ATG4B: variants seen among roughly 807,000 people sequenced by gnomAD.
ATG4B encodes autophagy related 4B cysteine peptidase, also known as cysteine protease ATG4B.
Under a neutral mutation model 56.6 loss-of-function variants are expected in ATG4B, and 29 were observed. That is an observed-to-expected ratio of 0.51 (90% CI 0.38 to 0.70). The LOEUF is 0.70. ATG4B is among the 30% of genes least tolerant of loss of function. The pLI is 0.00. For synonymous variants in ATG4B, 224 were observed against 206.1 expected (o/e 1.09, Z -0.74); for missense variants, 461 against 515.5 (o/e 0.89, Z 1.02).
chr2:241,655,326 T>A lies in ATG4B; in HGVS notation c.441T>A (p.Thr147=). ...KSIGQWYGPN[T]VAQVLKKLAV... is the part of the protein sequence containing the mutation. ...TAGGCCAGTGGTACGGGCCCAACAC[T>A]GTCGCCCAGGTCCTGAAGTATGTAC... Residue 147 remains threonine (T), a synonymous_variant, in exon 6 of 13, where the codon ACT becomes ACA. Coordinates refer to ENST00000404914, the MANE Select transcript of ATG4B (RefSeq NM_013325.5). 6.2e-7 allele frequency: 1 copy of A among 1,610,776 alleles called. No homozygotes were observed. Among genetic ancestry groups the A allele is most frequent in the Non-Finnish European group, 8.5e-7 (1 of 1,178,480 alleles).
At chr2:241,665,623 T>C (rs1161068891) in intron 7 of ATG4B, among the ~76,000 whole-genome samples, 1 of 152,228 alleles carries the variant, frequency 6.6e-6, no homozygotes, top group Non-Finnish European at 1.5e-5. Flanking sequence ...GGTGGCAGTG[T>C]CCTCTGCTCT....
chr2:241,657,010 C>G (rs1575074293), intron 6 of ATG4B, among the ~76,000 whole-genome samples: 1 of 140,808 alleles, frequency 7.1e-6, no homozygotes, highest in African/African-American at 2.5e-5. Flanking sequence ...GCTCAGTAGC[C>G]TGGGCTGGAG....
intron 3 of ATG4B, 97 bp from the exon 4 acceptor site, chr2:241,653,415 C>T: frequency 6.4e-7 from 1 of 1,551,386 alleles, no homozygotes; most frequent in South Asian, 1.2e-5. Context: ...GAGTCGGTGC[C>T]TGTGGTGTGG....
intron 1 of ATG4B, among the ~76,000 whole-genome samples, chr2:241,641,527 G>A (rs1166960500): frequency 6.6e-6 from 1 of 150,622 alleles, no homozygotes; most frequent in East Asian, 1.9e-4. Flanking sequence ...TCCAGCCTGG[G>A]CGACAGAGCG....
intron 7 of ATG4B, among the ~76,000 whole-genome samples, chr2:241,660,374 G>A (rs2068555105): frequency 1.3e-5 from 2 of 152,188 alleles, no homozygotes; most frequent in Admixed American, 1.3e-4. Flanking sequence ...CATCCTCGGG[G>A]GCATTGTGAC....
At chr2:241,643,113 G>A (rs2067952886) in intron 1 of ATG4B, among the ~76,000 whole-genome samples, 1 of 151,694 alleles carries the variant, frequency 6.6e-6, no homozygotes, top group Non-Finnish European at 1.5e-5. Flanking sequence ...TCGAACTTCT[G>A]ACCTCAAGTG....
At chr2:241,643,561 T>C (rs1165526267) in intron 1 of ATG4B, among the ~76,000 whole-genome samples, 1 of 150,198 alleles carries the variant, frequency 6.7e-6, no homozygotes, top group Non-Finnish European at 1.5e-5. Flanking sequence ...TAGAGATGGG[T>C]CTATATATTT....
intron 6 of ATG4B, among the ~76,000 whole-genome samples, chr2:241,655,620 G>C (rs1182720806): frequency 6.6e-6 from 1 of 152,180 alleles, no homozygotes; most frequent in Non-Finnish European, 1.5e-5. Flanking sequence ...TTCTGATGGG[G>C]TGGGCAGCTG....
At chr2:241,654,511 AT>A (rs1356757251) in intron 4 of ATG4B, 34 bp from the exon 5 acceptor site, 1 of 1,445,184 alleles carries the variant, frequency 6.9e-7, no homozygotes, top group Non-Finnish European at 9.5e-7. Context: ...TCTCATATTT[AT>A]GGTAGAGCTG....
At chr2:241,646,630 C>A (rs1472138540) in intron 1 of ATG4B, among the ~76,000 whole-genome samples, 1 of 152,180 alleles carries the variant, frequency 6.6e-6, no homozygotes, top group African/African-American at 2.4e-5. Context: ...CCTCGTCAGC[C>A]ACATCATGAG....
Position 241,666,627 on chromosome 2 carries a change from G to T in ATG4B, c.539-18G>T. The T allele has an allele frequency of 6.2e-7, 1 of 1,612,386 alleles. No homozygotes were observed. Among genetic ancestry groups the T allele is most frequent in the Non-Finnish European group, 8.5e-7 (1 of 1,179,412 alleles). ...GCACAGGTCTGCTTGGTTAGTGAAAGCATGTCTCCCTTTCTAGGAAGGTTG... is the reference window on the plus strand; with the variant it reads ...GCACAGGTCTGCTTGGTTAGTGAAATCATGTCTCCCTTTCTAGGAAGGTTG... On this transcript the variant is annotated intron_variant, in intron 7 of 12. Transcript: ENST00000404914.
At chr2:241,647,793 C>T (rs2068108334) in intron 1 of ATG4B, among the ~76,000 whole-genome samples, 1 of 151,986 alleles carries the variant, frequency 6.6e-6, no homozygotes, top group Non-Finnish European at 1.5e-5. Flanking sequence ...GTAGCAGGGA[C>T]ATCATGATGT....
intron 7 of ATG4B, among the ~76,000 whole-genome samples, chr2:241,661,032 G>C (rs2068575701): frequency 6.6e-6 from 1 of 152,200 alleles, no homozygotes; most frequent in Admixed American, 6.5e-5. Context: ...GTGGACTCCA[G>C]CTCCGTCCCT....
chr2:241,668,014 T>C lies in ATG4B; in HGVS notation c.733-129T>C, dbSNP rs2068832855. On this transcript the variant is annotated intron_variant, in intron 8 of 12. Transcript: ENST00000404914. This position sits in a 1 kb window ranked among gnomAD's most constrained non-coding sequence, Gnocchi z 4.2. ...CTGGACAGTAAGCTCTTTGGTACCA[T>C]GTCCCCTCCTGTCCCCTCTTGTGTC... 1.3e-6 allele frequency: 1 copy of C among 785,894 alleles called. No homozygotes were observed. The highest frequency in any genetic ancestry group is 2.0e-6 in the Non-Finnish European group (1 of 497,234). The allele number at this position is 785,894 out of a possible 1,614,324, so 48.7% of individuals were successfully genotyped here. A position where few individuals can be genotyped will look rare whatever the true frequency, so the allele number is the denominator to read the frequency against.
At chr2:241,640,017 C>T (rs2067836997) in intron 1 of ATG4B, among the ~76,000 whole-genome samples, 1 of 152,176 alleles carries the variant, frequency 6.6e-6, no homozygotes, top group Admixed American at 6.5e-5. Context: ...ATTTGTCTGC[C>T]TCCTGCCTCT....
chr2:241,660,593 G>C (rs2068560823), intron 7 of ATG4B, among the ~76,000 whole-genome samples: 1 of 152,112 alleles, frequency 6.6e-6, no homozygotes, highest in Non-Finnish European at 1.5e-5. Flanking sequence ...TGGAAACACA[G>C]GAAGAGTACA....
At chr2:241,646,468 C>G (rs746555354) in intron 1 of ATG4B, among the ~76,000 whole-genome samples, 30 of 152,206 alleles carry the variant, frequency 2.0e-4, no homozygotes, top group Non-Finnish European at 4.0e-4. Flanking sequence ...CAGATGGTCT[C>G]CAAACTACCA....
intron 7 of ATG4B, among the ~76,000 whole-genome samples, chr2:241,662,468 G>C (rs756283488): frequency 6.6e-6 from 1 of 152,202 alleles, no homozygotes; most frequent in African/African-American, 2.4e-5. Flanking sequence ...AAGAGAACAC[G>C]AGAAAATTTC....
At chr2:241,650,964 A>G in intron 1 of ATG4B, 46 bp from the exon 2 acceptor site, 1 of 1,504,758 alleles carries the variant, frequency 6.6e-7, no homozygotes, top group Non-Finnish European at 9.2e-7. Context: ...ATACTAGTTT[A>G]TGAAATTATA....
Sources: allele counts gnomAD v4.1 joint callset (sites outside exome capture counted in the v4.1 genomes callset), GRCh38; gene constraint gnomAD v4.1.1; non-coding constraint Gnocchi (gnomAD v3.1); transcripts MANE v1.5; gene names NCBI Gene and HGNC (gene_info 2026-07-23, HGNC 2026-07-21).